SYNE1: variants seen among roughly 807,000 people sequenced by gnomAD.
The protein encoded by SYNE1 is nesprin-1.
A neutral mutation model predicts 1,111.0 loss-of-function variants in SYNE1; 616 were observed. The observed-to-expected ratio is 0.55, with a 90% CI of 0.52 to 0.59. The LOEUF (loss-of-function observed/expected upper bound fraction) is 0.59. Among genes scored for constraint, SYNE1 ranks in the 20% least tolerant of loss-of-function variants. The probability of loss-of-function intolerance (pLI) is 0.00; values close to 1 mark genes in which losing one functional copy is unlikely to be tolerated. For synonymous variants in SYNE1, 3,855 were observed against 3,825.8 expected (o/e 1.01, Z -0.28); for missense variants, 10,006 against 10,417.0 (o/e 0.96, Z 1.72).
rs886806751 is a variant in SYNE1 at position 152,297,797 on chromosome 6, G to A, written c.17682+2844C>T. On this transcript the variant is annotated intron_variant, in intron 93 of 145. Transcript: ENST00000367255. The stretch of plus-strand genomic sequence containing the variant: ...AGTCTCACTCTGTGTGTGTGTGTGT[G>A]TGTGTGTGTGTGTGTGTGTGTGTGT... Among the ~76,000 whole-genome samples, 3 of 94,822 alleles carry A rather than the reference G, an allele frequency of 3.2e-5. No individual in the cohort carries two copies. The South Asian group carries it at 1.2e-3, about 36-fold the overall frequency. 62.2% of individuals were successfully genotyped at this position (94,822 alleles called of 152,430 possible). A position where few individuals can be genotyped will look rare whatever the true frequency, so the allele number is the denominator to read the frequency against.
chr6:152,539,602 T>C (rs1271902774), intron 4 of SYNE1, among the ~76,000 whole-genome samples: 1 of 152,204 alleles, frequency 6.6e-6, no homozygotes, highest in Non-Finnish European at 1.5e-5. Flanking sequence ...AGATCACTTA[T>C]AGCTTCTTTG....
At chr6:152,160,290 C>G (rs187982860) in intron 131 of SYNE1, among the ~76,000 whole-genome samples, 53 of 152,290 alleles carry the variant, frequency 3.5e-4, no homozygotes, top group African/African-American at 1.0e-3. Context: ...ATTTATAATG[C>G]TTGCTTCTAT....
intron 76 of SYNE1, 32 bp downstream of exon 76, chr6:152,336,809 T>C (rs771013404): frequency 1.2e-6 from 2 of 1,608,912 alleles, no homozygotes; most frequent in African/African-American, 2.7e-5. Flanking sequence ...GTTGGCCTCT[T>C]TTATCTCCCT....
chr6:152,122,778 C>G lies in SYNE1; in HGVS notation c.26154-102G>C, dbSNP rs930046198. 4 of 1,571,750 alleles carry G rather than the reference C, an allele frequency of 2.5e-6. No homozygotes were observed. The African/African-American group carries it at 5.4e-5, about 21-fold the overall frequency. Reference sequence around the variant, plus strand: ...CTGGAAGCTAAAGGGCCATGCCAAGCACACCCCAGCCTGGCGATCAGCTGC... The same window carrying G: ...CTGGAAGCTAAAGGGCCATGCCAAGGACACCCCAGCCTGGCGATCAGCTGC... On this transcript the variant is annotated intron_variant, in intron 145 of 145. Transcript: ENST00000367255.
chr6:152,361,324 G>T (rs571393263), intron 64 of SYNE1, among the ~76,000 whole-genome samples: 1 of 152,308 alleles, frequency 6.6e-6, no homozygotes, highest in South Asian at 2.1e-4. Flanking sequence ...TTATCCTGTA[G>T]ACAATGGGAA....
In SYNE1 at chr6:152,148,453, T is replaced by C; in HGVS notation, c.24643-75A>G. 3 of 1,379,298 alleles carry C rather than the reference T, an allele frequency of 2.2e-6. No individual in the cohort carries two copies. Among genetic ancestry groups the C allele is most frequent in the Non-Finnish European group, 3.0e-6 (3 of 991,064 alleles). The allele number at this position is 1,379,298 out of a possible 1,614,324, so 85.4% of individuals were successfully genotyped here. On this transcript the variant is annotated intron_variant, in intron 136 of 145. Coordinates refer to ENST00000367255, the MANE Select transcript of SYNE1 (RefSeq NM_182961.4). This position sits in a 1 kb window ranked among gnomAD's most constrained non-coding sequence, Gnocchi z 4.1. ...TCTTATCTGGGCCACCTGCCTACCA[T>C]GTGGGGACAATTTTTAACTTCTTAT...
chr6:152,325,184 G>A lies in SYNE1; in HGVS notation c.15557C>T (p.Thr5186Ile), dbSNP rs768676733. Residue 5186 changes from threonine (T) to isoleucine (I), a missense_variant, in exon 81 of 146, where the codon ACC becomes ATC. Transcript: ENST00000367255. Reference protein sequence around the residue: ...ASKATLSRSMTTVWQRWTRLR... With the variant: ...ASKATLSRSMITVWQRWTRLR... The stretch of plus-strand genomic sequence containing the variant: ...GCGTGTCCAGCGCTGCCAGACGGTG[G>A]TCATTGACCTGCTCAGGGTGGCTTT... 1 of 1,614,204 alleles carries A rather than the reference G, an allele frequency of 6.2e-7. No individual in the cohort carries two copies. The highest frequency in any genetic ancestry group is 8.5e-7 in the Non-Finnish European group (1 of 1,180,048).
chr6:152,399,828 A>G lies in SYNE1; in HGVS notation c.7030-5T>C. The G allele has an allele frequency of 6.2e-7, 1 of 1,613,330 alleles. No individual in the cohort carries two copies. Among genetic ancestry groups the G allele is most frequent in the Non-Finnish European group, 8.5e-7 (1 of 1,179,264 alleles). ...TTGAAGTTCTTTTTGTATATCCTAC[A>G]GAATAAAAGTATATTATGAAGGATA... On this transcript the variant is annotated splice_polypyrimidine_tract_variant and splice_region_variant and intron_variant, in intron 47 of 145. Transcript: ENST00000367255.
At chr6:152,298,869 C>G (rs181685579) in intron 93 of SYNE1, among the ~76,000 whole-genome samples, 6 of 152,260 alleles carry the variant, frequency 3.9e-5, no homozygotes, top group Admixed American at 3.9e-4. Context: ...TTTAACAGCT[C>G]CCTCAGAGTA....
At chr6:152,583,967 A>C (rs781439119) in intron 3 of SYNE1, among the ~76,000 whole-genome samples, 4 of 152,228 alleles carry the variant, frequency 2.6e-5, no homozygotes, top group African/African-American at 9.6e-5. Context: ...TTCTGTGTGC[A>C]TCTTTGCGAT....
At chr6:152,375,434 A>G (rs985693069) in intron 58 of SYNE1, among the ~76,000 whole-genome samples, 58 of 152,222 alleles carry the variant, frequency 3.8e-4, no homozygotes, top group African/African-American at 1.4e-3. Flanking sequence ...AAAGAAACTC[A>G]AATTTCATAA....
At position 152,325,154 on chromosome 6, in the gene SYNE1, C is replaced by T. The variant is rs752229373; in HGVS notation, c.15587G>A (p.Arg5196Gln). The part of the protein sequence containing the change: ...TTVWQRWTRL[R>Q]AVAQDQEKIL... ...CTTCTCCTGGTCCTGGGCCACAGCT[C>T]GAAGGCGTGTCCAGCGCTGCCAGAC... The change falls in exon 81 of 146, where the codon CGA becomes CAA. Residue 5196 changes from arginine (R) to glutamine (Q), a missense_variant. Arg to Gln is a conservative substitution (Grantham distance 43, BLOSUM62 1). This residue lies in a region of SYNE1 where 4,955 missense variants were observed against 5,017.2 expected (regional missense o/e 0.99). Coordinates refer to ENST00000367255, the MANE Select transcript of SYNE1 (RefSeq NM_182961.4). The T allele has an allele frequency of 3.1e-6, 5 of 1,614,180 alleles. No homozygotes were observed. The Admixed American group carries it at 5.0e-5, about 16-fold the overall frequency.
chr6:152,636,190 G>A (rs1329235234), intron 2 of SYNE1, among the ~76,000 whole-genome samples: 3 of 152,022 alleles, frequency 2.0e-5, no homozygotes, highest in Admixed American at 2.0e-4. Flanking sequence ...CAGCCTTCAA[G>A]CCATTTCCCT....
chr6:152,215,307 T>G (rs2078373771), intron 121 of SYNE1, among the ~76,000 whole-genome samples: 1 of 152,206 alleles, frequency 6.6e-6, no homozygotes, highest in Non-Finnish European at 1.5e-5. Flanking sequence ...ATGGACTACT[T>G]AACGTGTATT....
intron 101 of SYNE1, among the ~76,000 whole-genome samples, chr6:152,261,275 C>T (rs1562587014): frequency 1.3e-5 from 2 of 152,184 alleles, no homozygotes; most frequent in Non-Finnish European, 2.9e-5. Context: ...TGAAGAATTC[C>T]TCTGGGCCAC....
At chr6:152,428,465 T>A in intron 36 of SYNE1, 73 bp from the exon 37 acceptor site, 1 of 1,460,774 alleles carries the variant, frequency 6.8e-7, no homozygotes, top group Non-Finnish European at 9.5e-7. Context: ...TTGACACCGA[T>A]CATCGCAAAA....
At chr6:152,213,856 C>A in intron 122 of SYNE1, 97 bp from the exon 123 acceptor site, 2 of 1,522,386 alleles carry the variant, frequency 1.3e-6, no homozygotes, top group African/African-American at 2.8e-5. Flanking sequence ...GTGCTCAATT[C>A]TAATTGAACC....
At position 152,336,870 on chromosome 6, in the gene SYNE1, T is replaced by C. The variant is rs769992083; in HGVS notation, c.12499A>G (p.Ile4167Val). 3 of 1,613,890 alleles carry C rather than the reference T, an allele frequency of 1.9e-6. No individual in the cohort carries two copies. The highest frequency in any genetic ancestry group is 1.3e-5 in the African/African-American group (1 of 74,922). The change falls in exon 76 of 146, where the codon ATT (isoleucine) becomes GTT (valine). Residue 4167 changes from isoleucine (I) to valine (V), a missense_variant. Physicochemically the swap from Ile to Val is conservative, Grantham distance 29 (BLOSUM62 3). Coordinates refer to ENST00000367255, the MANE Select transcript of SYNE1 (RefSeq NM_182961.4). ...KRRHSELELN[I>V]AQNMVSQVKD... Reference sequence around the variant, plus strand: ...ACTTGTGAAACCATGTTCTGTGCAATGTTCAGCTCCAGCTCAGAGTGCCTC... The same window carrying C: ...ACTTGTGAAACCATGTTCTGTGCAACGTTCAGCTCCAGCTCAGAGTGCCTC...
At chr6:152,239,389 G>A (rs2085000728) in intron 108 of SYNE1, 144 bp downstream of exon 108, 4 of 928,868 alleles carry the variant, frequency 4.3e-6, no homozygotes, top group Admixed American at 2.0e-5. Flanking sequence ...CAGAACCATA[G>A]GAAAAGTGCA....
Sources: allele counts gnomAD v4.1 joint callset (sites outside exome capture counted in the v4.1 genomes callset), GRCh38; gene constraint gnomAD v4.1.1; regional missense constraint gnomAD v4.1.1; non-coding constraint Gnocchi (gnomAD v3.1); transcripts MANE v1.5; gene names NCBI Gene and HGNC (gene_info 2026-07-23, HGNC 2026-07-21).